The following IPO7 variants were observed in gnomAD, a reference collection of about 807,000 sequenced individuals.
The protein encoded by IPO7 is importin-7.
In IPO7, 13 loss-of-function variants were observed where a neutral mutation model predicts 136.4. That is an observed-to-expected ratio of 0.10 (90% confidence interval 0.06 to 0.15). The LOEUF is 0.15. Ranked by LOEUF, IPO7 falls within the 10% of genes least tolerant of loss-of-function variation. The pLI, the probability that IPO7 is intolerant of heterozygous loss-of-function variation, is 1.00. For synonymous variants in IPO7, 403 were observed against 404.4 expected (o/e 1.00, Z 0.04); for missense variants, 857 against 1,240.6 (o/e 0.69, Z 4.65).
At chr11:9,410,340 T>C (rs1854951231) in intron 4 of IPO7, among the ~76,000 whole-genome samples, 1 of 152,242 alleles carries the variant, frequency 6.6e-6, no homozygotes, top group Admixed American at 6.5e-5. Context: ...AACTAAGTTG[T>C]CTCTAAAGAC....
chr11:9,442,249 AAATTTTATATCGTTT>A (rs775719929), intron 24 of IPO7, 52 bp downstream of exon 24: 9 of 764,178 alleles, frequency 1.2e-5, no homozygotes, highest in African/African-American at 9.0e-5. Flanking sequence ...TATAGGTTTA[AAATTTTATATCGTTT>A]AATTTTATAT....
chr11:9,397,940 T>G (rs1226235927), intron 1 of IPO7, among the ~76,000 whole-genome samples: 1 of 152,236 alleles, frequency 6.6e-6, no homozygotes, highest in Non-Finnish European at 1.5e-5. Flanking sequence ...TGTTGAAGGC[T>G]TAGCATTCTA....
intron 1 of IPO7, among the ~76,000 whole-genome samples, chr11:9,400,664 C>T (rs1160927079): frequency 6.6e-6 from 1 of 151,642 alleles, no homozygotes. Context: ...CCTCGTGGTC[C>T]GCCCGCCTCG....
intron 12 of IPO7, among the ~76,000 whole-genome samples, chr11:9,425,804 G>A (rs556441911): frequency 5.9e-5 from 9 of 151,906 alleles, no homozygotes; most frequent in East Asian, 1.9e-4. Flanking sequence ...GCTTGAACCC[G>A]GGACGTGGAG....
At chr11:9,399,583 G>T (rs1045694215) in intron 1 of IPO7, among the ~76,000 whole-genome samples, 1 of 152,186 alleles carries the variant, frequency 6.6e-6, no homozygotes, top group Non-Finnish European at 1.5e-5. Context: ...GAGAAATGGT[G>T]CAGGGAAGTA....
rs765856307 is a variant in IPO7 at position 9,445,205 on chromosome 11, T to C, written c.*11T>C. ...CCAGGGATGAATTGAGTTATCTCTT[T>C]CTTTCCTGCTGTGTGCTTGTAGTGA... On this transcript the variant is annotated 3_prime_UTR_variant, in exon 25 of 25. Coordinates refer to ENST00000379719, the MANE Select transcript of IPO7 (RefSeq NM_006391.3). The C allele has an allele frequency of 2.6e-6, 4 of 1,515,738 alleles. No individual in the cohort carries two copies. In the African/African-American group the frequency reaches 5.5e-5, roughly 21 times the overall value. 93.9% of individuals were successfully genotyped at this position (1,515,738 alleles called of 1,614,324 possible).
intron 1 of IPO7, among the ~76,000 whole-genome samples, chr11:9,399,002 A>C (rs1473224060): frequency 1.3e-5 from 2 of 152,200 alleles, no homozygotes; most frequent in African/African-American, 4.8e-5. Flanking sequence ...TGGAAGGTGC[A>C]GTAGAAAGCT....
chr11:9,390,295 G>T (rs1170255860), intron 1 of IPO7, among the ~76,000 whole-genome samples: 101 of 142,694 alleles, frequency 7.1e-4, no homozygotes, highest in African/African-American at 1.8e-3. Context: ...GTGTGTGTGT[G>T]TTTTTTTTTT....
chr11:9,435,557 T>A (rs916114965), intron 19 of IPO7, among the ~76,000 whole-genome samples: 4 of 152,212 alleles, frequency 2.6e-5, no homozygotes, highest in Non-Finnish European at 5.9e-5. Context: ...TTTAGATTTC[T>A]TTCACTCATC....
At chr11:9,396,830 C>T (rs998757469) in intron 1 of IPO7, among the ~76,000 whole-genome samples, 2 of 152,098 alleles carry the variant, frequency 1.3e-5, no homozygotes, top group African/African-American at 4.8e-5. Flanking sequence ...AGTTGATGGG[C>T]ATACAGGTTG....
chr11:9,391,850 T>G (rs546398482), intron 1 of IPO7, among the ~76,000 whole-genome samples: 1 of 152,234 alleles, frequency 6.6e-6, no homozygotes, highest in East Asian at 1.9e-4. Flanking sequence ...ACGGCAGCCT[T>G]GACTCTCCTG....
intron 4 of IPO7, 63 bp downstream of exon 4, chr11:9,410,149 C>G: frequency 9.2e-7 from 1 of 1,091,578 alleles, no homozygotes; most frequent in Non-Finnish European, 1.2e-6. Flanking sequence ...AAAATTTAAG[C>G]CAATTTGAAC....
intron 1 of IPO7, among the ~76,000 whole-genome samples, chr11:9,391,354 C>T (rs900005647): frequency 2.0e-5 from 3 of 151,734 alleles, no homozygotes; most frequent in Non-Finnish European, 4.4e-5. Context: ...GCCAAGATCA[C>T]GTCATTGCAT....
In IPO7 at chr11:9,424,580, C is replaced by G. The variant is rs1341012865; in HGVS notation, c.1142-334C>G. Among the ~76,000 whole-genome samples, 19 of 152,230 alleles carry G rather than the reference C, an allele frequency of 1.2e-4. No individual in the cohort carries two copies. In the East Asian group the frequency reaches 3.7e-3, roughly 29 times the overall value. On this transcript the variant is annotated intron_variant, in intron 10 of 24. Coordinates refer to ENST00000379719, the MANE Select transcript of IPO7 (RefSeq NM_006391.3). The stretch of plus-strand genomic sequence containing the variant: ...CCAATATAGTGAAACCCCATCTCTA[C>G]TAAAAATACAAAAATTAGCCGGGCG...
intron 1 of IPO7, among the ~76,000 whole-genome samples, chr11:9,391,128 C>T (rs746053922): frequency 1.3e-5 from 2 of 152,038 alleles, no homozygotes; most frequent in Non-Finnish European, 2.9e-5. Context: ...AGGTCAGATG[C>T]GGTGGCTCAC....
intron 12 of IPO7, among the ~76,000 whole-genome samples, chr11:9,426,645 A>C (rs1256508105): frequency 1.3e-5 from 2 of 152,200 alleles, no homozygotes; most frequent in Non-Finnish European, 2.9e-5. Context: ...AACGTGAAGC[A>C]TTATGTCTTT....
intron 2 of IPO7, among the ~76,000 whole-genome samples, chr11:9,406,183 G>A (rs945142186): frequency 9.0e-5 from 11 of 121,704 alleles, no homozygotes; most frequent in Admixed American, 6.4e-4. Flanking sequence ...GGCTTCCAAA[G>A]TATTGAGCTT....
intron 23 of IPO7, among the ~76,000 whole-genome samples, chr11:9,441,365 G>A (rs887027828): frequency 6.6e-6 from 1 of 152,164 alleles, no homozygotes; most frequent in African/African-American, 2.4e-5. Flanking sequence ...TATAGCATTT[G>A]TGTTTTACCA....
chr11:9,419,557 A>ATAT (rs1318848863), intron 6 of IPO7, among the ~76,000 whole-genome samples: 19 of 125,804 alleles, frequency 1.5e-4, no homozygotes, highest in East Asian at 4.3e-4. Flanking sequence ...AAAAAAAAAA[A>ATAT]AAATATATAT....
Sources: allele counts gnomAD v4.1 joint callset (sites outside exome capture counted in the v4.1 genomes callset), GRCh38; gene constraint gnomAD v4.1.1; transcripts MANE v1.5; gene names NCBI Gene and HGNC (gene_info 2026-07-23, HGNC 2026-07-21).